HSPA5: variants seen among roughly 807,000 people sequenced by gnomAD.
HSPA5 encodes endoplasmic reticulum chaperone BiP.
In HSPA5, 16 loss-of-function variants were observed where a neutral mutation model predicts 49.5. That is an observed-to-expected ratio of 0.32 (90% CI 0.22 to 0.49). HSPA5 has a LOEUF of 0.49. HSPA5 is among the 20% of genes least tolerant of loss of function. The pLI, the probability that HSPA5 is intolerant of heterozygous loss-of-function variation, is 0.99. For synonymous variants in HSPA5, 271 were observed against 307.2 expected (o/e 0.88, Z 1.23); for missense variants, 376 against 819.0 (o/e 0.46, Z 6.60).
At chr9:125,238,118 T>C (rs746377859) in intron 7 of HSPA5, 23 bp downstream of exon 7, 2 of 1,595,088 alleles carry the variant, frequency 1.3e-6, no homozygotes, top group Non-Finnish European at 1.7e-6. Flanking sequence ...AAAGCCATGA[T>C]ATTAACAAAC....
Position 125,239,647 on chromosome 9 carries a change from G to A in HSPA5, c.493-114C>T. 1 of 775,850 alleles carries A rather than the reference G, an allele frequency of 1.3e-6. No homozygotes were observed. The highest frequency in any genetic ancestry group is 2.2e-6 in the Non-Finnish European group (1 of 462,644). The allele number at this position is 775,850 out of a possible 1,614,324, so 48.1% of individuals were successfully genotyped here. A position where few individuals can be genotyped will look rare whatever the true frequency, so the allele number is the denominator to read the frequency against. On this transcript the variant is annotated intron_variant, in intron 3 of 7. Coordinates refer to ENST00000324460, the MANE Select transcript of HSPA5 (RefSeq NM_005347.5). The surrounding 1 kb of genome is among the most constrained non-coding windows in gnomAD (Gnocchi z 5.5). ...TAATCCCAGCACTTTGGGAGGCTGA[G>A]GCAGGAGGATCACCTGAGGGCAGGA...
At position 125,235,144 on chromosome 9, in the gene HSPA5, C is replaced by T. The variant is rs1832469735; in HGVS notation, c.*1448G>A. ...GTGTTGGGATCCAGTTCTACTAGCC[C>T]TAGAGAATTAACCTTTCAGCCAGTT... On this transcript the variant is annotated 3_prime_UTR_variant, in exon 8 of 8. Transcript: ENST00000324460. 1 of 151,928 alleles carries T rather than the reference C, an allele frequency of 6.6e-6. No homozygotes were observed. Among genetic ancestry groups the T allele is most frequent in the Non-Finnish European group, 1.5e-5 (1 of 68,062 alleles). The allele number at this position is 151,928 out of a possible 1,614,324, so 9.4% of individuals were successfully genotyped here.
rs1216147442 is a variant in HSPA5, at chr9:125,239,064, C to T, written c.873G>A (p.Glu291=). 3 of 1,614,040 alleles carry T rather than the reference C, an allele frequency of 1.9e-6. No individual in the cohort carries two copies. The highest frequency in any genetic ancestry group is 2.5e-6 in the Non-Finnish European group (3 of 1,180,046). ...DNRAVQKLRR[E]VEKAKRALSS... The stretch of plus-strand genomic sequence containing the variant: ...ACAGGGCCCGTTTGGCCTTTTCTAC[C>T]TCGCGCCGGAGTTTCTGCACAGCTC... Residue 291 remains glutamate, a synonymous_variant, in exon 5 of 8, where the codon GAG becomes GAA. Coordinates refer to ENST00000324460, the MANE Select transcript of HSPA5 (RefSeq NM_005347.5). This position sits in a 1 kb window ranked among gnomAD's most constrained non-coding sequence, Gnocchi z 5.5.
chr9:125,237,036 A>G lies in HSPA5; in HGVS notation c.1521T>C (p.Gly507=). 1 of 1,613,836 alleles carries G rather than the reference A, an allele frequency of 6.2e-7. No homozygotes were observed. The highest frequency in any genetic ancestry group is 8.5e-7 in the Non-Finnish European group (1 of 1,179,750). ...IEVTFEIDVN[G]ILRVTAEDKG... The stretch of plus-strand genomic sequence containing the variant: ...TGTCTTCAGCTGTCACTCGAAGAAT[A>G]CCATTCACATCTATCTCAAAGGTGA... Residue 507 remains glycine (G), a synonymous_variant, in exon 8 of 8, where the codon GGT becomes GGC. Coordinates refer to ENST00000324460, the MANE Select transcript of HSPA5 (RefSeq NM_005347.5).
rs749620615 is a variant in HSPA5 at position 125,236,549 on chromosome 9, T to G, written c.*43A>C. On this transcript the variant is annotated 3_prime_UTR_variant, in exon 8 of 8. Coordinates refer to ENST00000324460, the MANE Select transcript of HSPA5 (RefSeq NM_005347.5). ...TCAATTTTTTCCTAACAAAAGTTCC[T>G]GAGTCCAGTATTTACAATATTACAG... is the stretch of plus-strand genomic sequence containing the variant. 5.8e-6 allele frequency: 8 copies of G among 1,373,196 alleles called. No homozygotes were observed. In the African/African-American group the frequency reaches 1.2e-4, roughly 20 times the overall value. The allele number at this position is 1,373,196 out of a possible 1,614,324, so 85.1% of individuals were successfully genotyped here.
chr9:125,240,538 C>A lies in HSPA5; in HGVS notation c.354+138G>T. On this transcript the variant is annotated intron_variant, in intron 2 of 7. Coordinates refer to ENST00000324460, the MANE Select transcript of HSPA5 (RefSeq NM_005347.5). The surrounding 1 kb of genome is among the most constrained non-coding windows in gnomAD (Gnocchi z 4.4). ...CAACTGTCTTAAGTTTTGTAACATA[C>A]TAATAGTATTAAAGTTATTACATAC... 2 of 750,328 alleles carry A rather than the reference C, an allele frequency of 2.7e-6. No individual in the cohort carries two copies. Among genetic ancestry groups the A allele is most frequent in the Middle Eastern group, 2.5e-4 (1 of 3,958 alleles). 46.5% of individuals were successfully genotyped at this position (750,328 alleles called of 1,614,324 possible).
rs774390329 is a variant in HSPA5 at position 125,238,667 on chromosome 9, C to T, written c.1157G>A (p.Arg386His). The T allele has an allele frequency of 1.9e-6, 3 of 1,614,186 alleles. No homozygotes were observed. Among genetic ancestry groups the T allele is most frequent in the Admixed American group, 1.7e-5 (1 of 60,010 alleles). The change falls in exon 6 of 8, where the codon CGT (arginine) becomes CAT (histidine). Residue 386 changes from arginine (R) to histidine (H), a missense_variant. Arg to His is a conservative substitution (Grantham distance 29, BLOSUM62 0). Transcript: ENST00000324460. ...TACAGCTTCATCTGGGTTTATGCCA[C>T]GGGATGGTTCCTTGCCATTGAAGAA... is the stretch of plus-strand genomic sequence containing the variant. ...KEFFNGKEPS[R>H]GINPDEAVAY...
Position 125,241,144 on chromosome 9 carries a change from C to G in HSPA5, c.-18G>C. The G allele has an allele frequency of 6.2e-7, 1 of 1,606,230 alleles. No homozygotes were observed. Among genetic ancestry groups the G allele is most frequent in the South Asian group, 1.1e-5 (1 of 90,102 alleles). ...AGCTTCATCTTGCCAGCCAGTTGGG[C>G]AGCAGCAGGCAGTCCAGCCACAGGC... On this transcript the variant is annotated 5_prime_UTR_variant, in exon 1 of 8. Transcript: ENST00000324460.
Position 125,240,223 on chromosome 9 carries a change from G to A in HSPA5, c.441C>T (p.Ala147=), listed in dbSNP as rs754004364. ...TTTCTTTCATTTTAGTGAGAACCAT[G>A]GCAGAAATTTCTTCAGGAGCAAATG... is the stretch of plus-strand genomic sequence containing the variant. ...TKTFAPEEIS[A]MVLTKMKETA... The change falls in exon 3 of 8, where the codon GCC becomes GCT. Residue 147 remains alanine, a synonymous_variant. Coordinates refer to ENST00000324460, the MANE Select transcript of HSPA5 (RefSeq NM_005347.5). The surrounding 1 kb of genome is among the most constrained non-coding windows in gnomAD (Gnocchi z 4.4). 5 of 1,611,530 alleles carry A rather than the reference G, an allele frequency of 3.1e-6. No individual in the cohort carries two copies. The highest frequency in any genetic ancestry group is 4.5e-5 in the East Asian group (2 of 44,834).
rs747433993 is a variant in HSPA5, at chr9:125,236,975, T to C, written c.1582A>G (p.Asn528Asp). 4 of 1,613,890 alleles carry C rather than the reference T, an allele frequency of 2.5e-6. No individual in the cohort carries two copies. The Admixed American group carries it at 6.7e-5, about 27-fold the overall frequency. ...TCAGGTGTCAGGCGATTCTGGTCAT[T>C]GGTGATTGTGATCTTATTTTTGTTC... ...TGNKNKITIT[N>D]DQNRLTPEEI... Residue 528 changes from asparagine (N) to aspartate (D), a missense_variant, in exon 8 of 8, where the codon AAT (asparagine) becomes GAT (aspartate). By Grantham distance (23) the Asn-to-Asp change is conservative. Coordinates refer to ENST00000324460, the MANE Select transcript of HSPA5 (RefSeq NM_005347.5).
In HSPA5 at chr9:125,234,890, CAGAA is replaced by C. The variant is rs988368233; in HGVS notation, c.*1698_*1701del. 2.3e-4 allele frequency: 35 copies of C among 152,090 alleles called. No homozygotes were observed. Among genetic ancestry groups the C allele is most frequent in the African/African-American group, 8.5e-4 (35 of 41,420 alleles). 9.4% of individuals were successfully genotyped at this position (152,090 alleles called of 1,614,324 possible). On this transcript the variant is annotated 3_prime_UTR_variant, in exon 8 of 8. Transcript: ENST00000324460. ...TTTTTAATATTCAGTAACAGCTCCT[CAGAA>C]AGAGTTACAGACTAGGTGGTCCACG...
chr9:125,240,979 C>T lies in HSPA5; in HGVS notation c.122+26G>A. The T allele has an allele frequency of 5.0e-6, 8 of 1,611,418 alleles. No individual in the cohort carries two copies. Among genetic ancestry groups the T allele is most frequent in the Non-Finnish European group, 6.8e-6 (8 of 1,178,352 alleles). On this transcript the variant is annotated intron_variant, in intron 1 of 7. Transcript: ENST00000324460. This position sits in a 1 kb window ranked among gnomAD's most constrained non-coding sequence, Gnocchi z 4.4. ...GCCAGGCCAGGCGGCCACGCCCCGT[C>T]CCCCTGCATCCGCAACCCCACTTAC... is the stretch of plus-strand genomic sequence containing the variant.
intron 6 of HSPA5, 117 bp downstream of exon 6, chr9:125,238,473 C>T: frequency 2.0e-6 from 2 of 994,280 alleles, no homozygotes; most frequent in Non-Finnish European, 3.1e-6. Context: ...TTCACTTATA[C>T]CCTTTACTAG....
rs370651883 is a variant in HSPA5 at position 125,241,212 on chromosome 9, A to G, written c.-86T>C. The G allele has an allele frequency of 1.3e-6, 2 of 1,505,782 alleles. No homozygotes were observed. The highest frequency in any genetic ancestry group is 8.9e-7 in the Non-Finnish European group (1 of 1,122,886). The allele number at this position is 1,505,782 out of a possible 1,614,324, so 93.3% of individuals were successfully genotyped here. A position where few individuals can be genotyped will look rare whatever the true frequency, so the allele number is the denominator to read the frequency against. Reference sequence around the variant, plus strand: ...GCGCAATTTCCGACTTGCAGGCGGCAGGGGCCCGGGGTCACAAGGCGCCAC... The same window carrying G: ...GCGCAATTTCCGACTTGCAGGCGGCGGGGGCCCGGGGTCACAAGGCGCCAC... On this transcript the variant is annotated 5_prime_UTR_variant, in exon 1 of 8. Transcript: ENST00000324460.
Position 125,236,576 on chromosome 9 carries a change from A to G in HSPA5, c.*16T>C. On this transcript the variant is annotated 3_prime_UTR_variant, in exon 8 of 8. Coordinates refer to ENST00000324460, the MANE Select transcript of HSPA5 (RefSeq NM_005347.5). ...AGTCCAGTATTTACAATATTACAGC[A>G]CTAGCAGATCAGTGTCTACAACTCA... 1 of 1,528,068 alleles carries G rather than the reference A, an allele frequency of 6.5e-7. No homozygotes were observed. The highest frequency in any genetic ancestry group is 8.8e-7 in the Non-Finnish European group (1 of 1,131,264). 94.7% of individuals were successfully genotyped at this position (1,528,068 alleles called of 1,614,324 possible). A position where few individuals can be genotyped will look rare whatever the true frequency, so the allele number is the denominator to read the frequency against.
In HSPA5 at chr9:125,241,232, C is replaced by T. The variant is rs1199928621; in HGVS notation, c.-106G>A. 1 of 1,375,342 alleles carries T rather than the reference C, an allele frequency of 7.3e-7. No homozygotes were observed. Among genetic ancestry groups the T allele is most frequent in the Non-Finnish European group, 9.9e-7 (1 of 1,014,714 alleles). The allele number at this position is 1,375,342 out of a possible 1,614,324, so 85.2% of individuals were successfully genotyped here. The stretch of plus-strand genomic sequence containing the variant: ...GCGGCAGGGGCCCGGGGTCACAAGG[C>T]GCCACGAACCAGGCGAAGGGCAGGT... On this transcript the variant is annotated 5_prime_UTR_variant, in exon 1 of 8. Transcript: ENST00000324460.
chr9:125,236,420 G>A lies in HSPA5; in HGVS notation c.*172C>T, dbSNP rs1832496320. ...TCTTCTCCCCCCCACCCAAAGACAT[G>A]TGAGCAACTGCTAATGAAAAGCAGT... On this transcript the variant is annotated 3_prime_UTR_variant, in exon 8 of 8. Coordinates refer to ENST00000324460, the MANE Select transcript of HSPA5 (RefSeq NM_005347.5). 1.9e-6 allele frequency: 1 copy of A among 518,306 alleles called. No homozygotes were observed. 32.1% of individuals were successfully genotyped at this position (518,306 alleles called of 1,614,324 possible).
chr9:125,237,122 G>C lies in HSPA5; in HGVS notation c.1435C>G (p.Leu479Val). ...ATTCCAGTCAGATCAAATGTACCCA[G>C]AAGATGATTGTCTTTTGTCAGGGGT... is the stretch of plus-strand genomic sequence containing the variant. Reference protein sequence around the residue: ...ERPLTKDNHLLGTFDLTGIPP... With the variant: ...ERPLTKDNHLVGTFDLTGIPP... The change falls in exon 8 of 8, where the codon CTG (leucine) becomes GTG (valine). Residue 479 changes from leucine to valine, a missense_variant. By Grantham distance (32) the Leu-to-Val change is conservative. Transcript: ENST00000324460. 1 of 1,609,898 alleles carries C rather than the reference G, an allele frequency of 6.2e-7. No homozygotes were observed. Among genetic ancestry groups the C allele is most frequent in the Non-Finnish European group, 8.5e-7 (1 of 1,177,826 alleles).
chr9:125,234,885 C>T lies in HSPA5; in HGVS notation c.*1707G>A, dbSNP rs922744092. 1.3e-5 allele frequency: 2 copies of T among 152,044 alleles called. No homozygotes were observed. Among genetic ancestry groups the T allele is most frequent in the Non-Finnish European group, 2.9e-5 (2 of 68,022 alleles). 9.4% of individuals were successfully genotyped at this position (152,044 alleles called of 1,614,324 possible). On this transcript the variant is annotated 3_prime_UTR_variant, in exon 8 of 8. Coordinates refer to ENST00000324460, the MANE Select transcript of HSPA5 (RefSeq NM_005347.5). The stretch of plus-strand genomic sequence containing the variant: ...CTATCTTTTTAATATTCAGTAACAG[C>T]TCCTCAGAAAGAGTTACAGACTAGG...
Sources: allele counts gnomAD v4.1 joint callset, GRCh38; gene constraint gnomAD v4.1.1; non-coding constraint Gnocchi (gnomAD v3.1); transcripts MANE v1.5; gene names NCBI Gene and HGNC (gene_info 2026-07-23, HGNC 2026-07-21).